GRK7: variants seen among roughly 807,000 people sequenced by gnomAD.
The protein encoded by GRK7 is rhodopsin kinase GRK7.
Under a neutral mutation model 34.1 loss-of-function variants are expected in GRK7, and 24 were observed. That is an observed-to-expected ratio of 0.70 (90% confidence interval 0.51 to 0.99). The LOEUF is 0.99. Among genes scored for constraint, GRK7 ranks in the 50% least tolerant of loss-of-function variants. GRK7 has a pLI of 0.00. For synonymous variants in GRK7, 256 were observed against 279.4 expected, an observed-to-expected ratio of 0.92 and a Z score of 0.84; for missense variants, 644 against 707.3, an observed-to-expected ratio of 0.91 and a Z score of 1.02.
chr3:141,808,238 G>A (rs982083968), intron 5 of GRK7, among the ~76,000 whole-genome samples: 12 of 152,176 alleles, frequency 7.9e-5, no homozygotes, highest in Non-Finnish European at 1.5e-5. Context: ...GTCAGATGAA[G>A]GGAAATTGGG....
chr3:141,765,985 C>T (rs1239794810), intron 1 of GRK7, among the ~76,000 whole-genome samples: 6 of 152,092 alleles, frequency 3.9e-5, no homozygotes, highest in South Asian at 4.2e-4. Context: ...TTTACCATAG[C>T]GTATATCAAG....
upstream of GRK7, among the ~76,000 whole-genome samples, chr3:141,762,458 G>A (rs1470592176): frequency 6.7e-6 from 1 of 149,158 alleles, no homozygotes; most frequent in Non-Finnish European, 1.5e-5. Context: ...CACTTGAGGA[G>A]GCAGTCTGCC....
intron 4 of GRK7, among the ~76,000 whole-genome samples, chr3:141,807,202 A>G (rs1711044964): frequency 6.6e-6 from 1 of 152,206 alleles, no homozygotes; most frequent in Admixed American, 6.5e-5. Context: ...ATTTAATATT[A>G]GTAATAAAGT....
chr3:141,774,347 A>T (rs7630272), intron 1 of GRK7, among the ~76,000 whole-genome samples: 1 of 151,838 alleles, frequency 6.6e-6, no homozygotes, highest in Non-Finnish European at 1.5e-5. Flanking sequence ...CCTTGAGCCC[A>T]GGAGGTTGAG....
intron 3 of GRK7, among the ~76,000 whole-genome samples, chr3:141,779,977 T>C (rs2084663314): frequency 6.6e-6 from 1 of 152,264 alleles, no homozygotes; most frequent in Non-Finnish European, 1.5e-5. Flanking sequence ...CTGCTATTCA[T>C]GCACAAGTAT....
At chr3:141,790,147 G>C (rs972674029) in intron 4 of GRK7, among the ~76,000 whole-genome samples, 1 of 152,044 alleles carries the variant, frequency 6.6e-6, no homozygotes, top group African/African-American at 2.4e-5. Context: ...GATTACAAGC[G>C]CATGCTACCA....
chr3:141,787,355 G>A (rs1258446289), intron 4 of GRK7, among the ~76,000 whole-genome samples: 3 of 152,182 alleles, frequency 2.0e-5, no homozygotes, highest in Non-Finnish European at 4.4e-5. Flanking sequence ...TGGGTGCTAT[G>A]GCTGATGCCT....
chr3:141,770,159 C>T (rs1307557931), intron 1 of GRK7, among the ~76,000 whole-genome samples: 2 of 152,128 alleles, frequency 1.3e-5, no homozygotes, highest in Non-Finnish European at 2.9e-5. Flanking sequence ...CCTTGGCCTC[C>T]CAAAGTGCTG....
At chr3:141,802,015 A>G (rs774334520) in intron 4 of GRK7, among the ~76,000 whole-genome samples, 3 of 152,206 alleles carry the variant, frequency 2.0e-5, no homozygotes, top group Non-Finnish European at 4.4e-5. Flanking sequence ...ATAAAGGATA[A>G]GTTCAATATT....
At chr3:141,757,215 T>C in the GRK7 span, among the ~76,000 whole-genome samples, 128 of 150,800 alleles carry the variant, frequency 8.5e-4, no homozygotes, top group South Asian at 0.012. Context: ...TAGTTACATA[T>C]GTATACATGT....
At chr3:141,770,565 GA>G (rs59359078) in intron 1 of GRK7, among the ~76,000 whole-genome samples, 1,680 of 131,110 alleles carry the variant, frequency 0.013, 30 homozygotes, top group African/African-American at 0.04. Flanking sequence ...AAAGAAAAAA[GA>G]AAAAAAAAAA....
intron 4 of GRK7, among the ~76,000 whole-genome samples, chr3:141,803,291 G>C (rs1710989867): frequency 6.7e-6 from 1 of 149,936 alleles, no homozygotes; most frequent in East Asian, 2.0e-4. Flanking sequence ...AAAAAGCCAG[G>C]CGTGGTGGTG....
intron 5 of GRK7, among the ~76,000 whole-genome samples, chr3:141,815,736 C>T (rs1019919654): frequency 2.4e-5 from 2 of 84,754 alleles, no homozygotes; most frequent in South Asian, 3.8e-4. Context: ...TGTGTGTGAT[C>T]ACTGGCCTTG....
At chr3:141,769,285 A>G (rs750029825) in intron 1 of GRK7, among the ~76,000 whole-genome samples, 2 of 152,100 alleles carry the variant, frequency 1.3e-5, no homozygotes, top group Non-Finnish European at 2.9e-5. Context: ...CTCACCCTCC[A>G]TAATCATCAA....
chr3:141,808,949 CA>C (rs1404769248), intron 5 of GRK7, among the ~76,000 whole-genome samples: 2 of 151,928 alleles, frequency 1.3e-5, no homozygotes, highest in Admixed American at 6.6e-5. Context: ...TGGTTCACGC[CA>C]GCACTTTGGG....
upstream of GRK7, among the ~76,000 whole-genome samples, chr3:141,763,303 A>G (rs2084565648): frequency 6.6e-6 from 1 of 152,152 alleles, no homozygotes; most frequent in South Asian, 2.1e-4. Flanking sequence ...GGCACCTAAT[A>G]AAGCATAGGA....
chr3:141,769,052 C>T (rs1341738024), intron 1 of GRK7, among the ~76,000 whole-genome samples: 1 of 152,146 alleles, frequency 6.6e-6, no homozygotes, highest in African/African-American at 2.4e-5. Flanking sequence ...ACCTACTCCC[C>T]TATGACTCCC....
At chr3:141,788,777 T>G (rs1024351106) in intron 4 of GRK7, among the ~76,000 whole-genome samples, 1 of 152,172 alleles carries the variant, frequency 6.6e-6, no homozygotes, top group African/African-American at 2.4e-5. Context: ...CCTTAAGACG[T>G]CTCTGCAATT....
intron 4 of GRK7, among the ~76,000 whole-genome samples, chr3:141,783,204 T>C (rs1225723590): frequency 6.6e-6 from 1 of 152,214 alleles, no homozygotes; most frequent in Non-Finnish European, 1.5e-5. Flanking sequence ...TTCACTTAGA[T>C]GTCACTGGCT....
Sources: allele counts gnomAD v4.1 joint callset (sites outside exome capture counted in the v4.1 genomes callset), GRCh38; gene constraint gnomAD v4.1.1; transcripts MANE v1.5; gene names NCBI Gene and HGNC (gene_info 2026-07-23, HGNC 2026-07-21).